Variants in CNTNAP4 observed in about 807,000 individuals in gnomAD.
CNTNAP4 encodes contactin-associated protein-like 4.
In CNTNAP4, 98 loss-of-function variants were observed where a neutral mutation model predicts 148.4. The observed-to-expected ratio is 0.66, with a 90% CI of 0.56 to 0.78. The LOEUF (loss-of-function observed/expected upper bound fraction) is 0.78. Ranked by LOEUF, CNTNAP4 falls within the 30% of genes least tolerant of loss-of-function variation. CNTNAP4 has a pLI of 0.00. For missense variants in CNTNAP4, 1,935 were observed against 1,565.6 expected (o/e 1.24, Z -3.98); for synonymous variants, 730 against 565.1 (o/e 1.29, Z -4.14).
intron 2 of CNTNAP4, among the ~76,000 whole-genome samples, chr16:76,345,803 T>A (rs2115387): frequency 0.19 from 28,272 of 152,090 alleles, 3,008 homozygotes; most frequent in East Asian, 0.33. Context: ...ATTTACAATA[T>A]TAAGTTTTAT....
chr16:76,281,408 T>A lies in CNTNAP4; in HGVS notation c.85+3661T>A, dbSNP rs188525107. Among the ~76,000 whole-genome samples, 612 of 152,208 alleles carry A rather than the reference T, an allele frequency of 4.0e-3. 5 individuals are homozygous for A. Among genetic ancestry groups the A allele is most frequent in the African/African-American group, 0.013 (535 of 41,564 alleles). On this transcript the variant is annotated intron_variant, in intron 1 of 23. Transcript: ENST00000611870. ...TTATTTTCATCTATTCAGTCCATTTTCTCCACTTCTTATTACATGCATCTC... is the reference window on the plus strand; with the variant it reads ...TTATTTTCATCTATTCAGTCCATTTACTCCACTTCTTATTACATGCATCTC...
chr16:76,448,618 A>G (rs974855933), intron 5 of CNTNAP4, 149 bp from the exon 6 acceptor site: 1 of 586,964 alleles, frequency 1.7e-6, no homozygotes, highest in Non-Finnish European at 2.9e-6. Flanking sequence ...TTATATTGAA[A>G]CTTCGGGGAA....
At chr16:76,482,264 G>T (rs1435936833) in intron 12 of CNTNAP4, among the ~76,000 whole-genome samples, 1 of 152,094 alleles carries the variant, frequency 6.6e-6, no homozygotes, top group Non-Finnish European at 1.5e-5. Context: ...GTAGATGGAG[G>T]AAAGGTGTTA....
intron 12 of CNTNAP4, among the ~76,000 whole-genome samples, chr16:76,481,810 T>A (rs2081840043): frequency 6.6e-6 from 1 of 152,032 alleles, no homozygotes. Context: ...AGACAGATGA[T>A]CTTACTTACC....
chr16:76,286,332 T>G (rs77735280), intron 1 of CNTNAP4, among the ~76,000 whole-genome samples: 2,003 of 152,026 alleles, frequency 0.013, 63 homozygotes, highest in East Asian at 0.11. Flanking sequence ...TAGAATAAGA[T>G]TGCTTCATAT....
intron 21 of CNTNAP4, among the ~76,000 whole-genome samples, chr16:76,542,514 C>T (rs1448709764): frequency 2.6e-5 from 4 of 152,148 alleles, no homozygotes; most frequent in African/African-American, 9.7e-5. Flanking sequence ...CTACAGATGG[C>T]TCTCAGCTTT....
intron 1 of CNTNAP4, among the ~76,000 whole-genome samples, chr16:76,281,230 TC>T (rs1193646860): frequency 6.6e-6 from 1 of 151,736 alleles, no homozygotes; most frequent in Admixed American, 6.6e-5. Flanking sequence ...TTTCTTTTCC[TC>T]CCCCCACCAT....
At position 76,512,724 on chromosome 16, in the gene CNTNAP4, T is replaced by TG. The variant is rs2083075688; in HGVS notation, c.2366-8412dup. On this transcript the variant is annotated intron_variant, in intron 15 of 23. Transcript: ENST00000611870. Reference sequence around the variant, plus strand: ...GGATGAAGAAATAACAACAGGGCTTTGGGGCAATTAAGTATGGATAAATTG... The same window carrying TG: ...GGATGAAGAAATAACAACAGGGCTTTGGGGGCAATTAAGTATGGATAAATTG... Among the ~76,000 whole-genome samples the TG allele has an allele frequency of 2.0e-5, 3 of 152,086 alleles. No homozygotes were observed. The South Asian group carries it at 6.2e-4, about 32-fold the overall frequency.
intron 3 of CNTNAP4, among the ~76,000 whole-genome samples, chr16:76,359,368 G>A (rs1473376928): frequency 6.6e-6 from 1 of 152,120 alleles, no homozygotes; most frequent in Admixed American, 6.5e-5. Context: ...AGTGTTACTG[G>A]TTTAGGAACA....
chr16:76,325,992 A>C (rs1962931963), intron 2 of CNTNAP4, among the ~76,000 whole-genome samples: 1 of 152,226 alleles, frequency 6.6e-6, no homozygotes, highest in Admixed American at 6.5e-5. Context: ...ATGTTTCAAC[A>C]AAGAAAACTA....
At chr16:76,452,475 T>C in intron 7 of CNTNAP4, 33 bp from the exon 8 acceptor site, 1 of 1,610,454 alleles carries the variant, frequency 6.2e-7, no homozygotes, top group Non-Finnish European at 8.5e-7. Flanking sequence ...GTGAATAACA[T>C]TCTGAAAGCT....
intron 3 of CNTNAP4, among the ~76,000 whole-genome samples, chr16:76,371,662 GT>G (rs1482538449): frequency 6.6e-6 from 1 of 152,180 alleles, no homozygotes; most frequent in East Asian, 1.9e-4. Flanking sequence ...TTATTGAAAT[GT>G]TTTGCTTAGC....
intron 1 of CNTNAP4, among the ~76,000 whole-genome samples, chr16:76,287,165 A>G (rs1300810377): frequency 6.6e-6 from 1 of 152,208 alleles, no homozygotes; most frequent in East Asian, 1.9e-4. Context: ...ACTAGGGTAC[A>G]TTTAAGAAAG....
intron 1 of CNTNAP4, among the ~76,000 whole-genome samples, chr16:76,283,784 C>A (rs988985431): frequency 6.6e-6 from 1 of 151,986 alleles, no homozygotes; most frequent in Admixed American, 6.6e-5. Flanking sequence ...ATGTAACAAA[C>A]CTGCACTTGT....
At chr16:76,368,208 T>C (rs1200384961) in intron 3 of CNTNAP4, among the ~76,000 whole-genome samples, 1 of 151,986 alleles carries the variant, frequency 6.6e-6, no homozygotes, top group East Asian at 1.9e-4. Flanking sequence ...TGGCTAAAGA[T>C]AAAGAGTAGG....
intron 3 of CNTNAP4, among the ~76,000 whole-genome samples, chr16:76,419,438 A>C (rs1360151246): frequency 6.6e-6 from 1 of 152,020 alleles, no homozygotes; most frequent in Non-Finnish European, 1.5e-5. Flanking sequence ...CATAGAATGC[A>C]TGGATGGGTT....
intron 8 of CNTNAP4, among the ~76,000 whole-genome samples, chr16:76,456,065 G>A (rs1180136363): frequency 6.6e-6 from 1 of 152,080 alleles, no homozygotes; most frequent in African/African-American, 2.4e-5. Flanking sequence ...TCTCCAACGT[G>A]TAATTGCAAA....
At chr16:76,423,943 T>C (rs1051555195) in intron 3 of CNTNAP4, among the ~76,000 whole-genome samples, 6 of 152,146 alleles carry the variant, frequency 3.9e-5, no homozygotes, top group African/African-American at 4.8e-5. Flanking sequence ...ATTATAAAAT[T>C]AATACATGCC....
intron 16 of CNTNAP4, 111 bp downstream of exon 16, chr16:76,521,421 T>C (rs1343004191): frequency 9.5e-6 from 8 of 838,430 alleles, no homozygotes. Flanking sequence ...TTCTTTTCAT[T>C]GCGCCCCTTT....
Sources: gnomAD v4.1 joint callset for allele counts (sites outside exome capture counted in the v4.1 genomes callset) on GRCh38, gnomAD v4.1.1 for gene constraint, MANE v1.5 for transcripts, NCBI Gene and HGNC (gene_info 2026-07-23, HGNC 2026-07-21) for gene names.